The following MYT1L variants were observed in gnomAD, a reference collection of about 807,000 sequenced individuals.
The protein encoded by MYT1L is myelin transcription factor 1 like, also known as myelin transcription factor 1-like protein.
In MYT1L, 12 loss-of-function variants were observed where a neutral mutation model predicts 126.7. The observed-to-expected ratio is 0.09, with a 90% confidence interval of 0.06 to 0.15. The LOEUF (loss-of-function observed/expected upper bound fraction) is 0.15. Ranked by LOEUF, MYT1L falls within the 10% of genes least tolerant of loss-of-function variation. MYT1L has a pLI of 1.00. For missense variants in MYT1L, 979 were observed against 1,585.2 expected (o/e 0.62, Z 6.49); for synonymous variants, 541 against 604.2 (o/e 0.90, Z 1.53).
chr2:2,232,504 T>C (rs985427319), intron 2 of MYT1L, among the ~76,000 whole-genome samples: 3 of 152,254 alleles, frequency 2.0e-5, no homozygotes, highest in African/African-American at 7.2e-5. Context: ...GGTGCCTCTG[T>C]AGCATGGGTA....
intron 2 of MYT1L, among the ~76,000 whole-genome samples, chr2:2,264,410 A>C (rs2095067731): frequency 6.6e-6 from 1 of 152,164 alleles, no homozygotes; most frequent in African/African-American, 2.4e-5. Context: ...CCCCAAAAAA[A>C]ATCCCAGAAT....
At chr2:2,215,783 T>A (rs759924875) in intron 2 of MYT1L, among the ~76,000 whole-genome samples, 2 of 152,198 alleles carry the variant, frequency 1.3e-5, no homozygotes, top group Non-Finnish European at 2.9e-5. Context: ...TGGATATTTG[T>A]CCCTGCCCAA....
At chr2:2,117,078 C>T (rs1048587183) in intron 3 of MYT1L, among the ~76,000 whole-genome samples, 4 of 152,198 alleles carry the variant, frequency 2.6e-5, no homozygotes, top group Non-Finnish European at 5.9e-5. Flanking sequence ...ACCTCTCCCC[C>T]TGCAGAGCAC....
chr2:2,200,456 G>A (rs2093014862), intron 2 of MYT1L, among the ~76,000 whole-genome samples: 1 of 152,120 alleles, frequency 6.6e-6, no homozygotes, highest in African/African-American at 2.4e-5. Flanking sequence ...CACATCACCT[G>A]AACATCTGTC....
intron 18 of MYT1L, among the ~76,000 whole-genome samples, chr2:1,862,890 G>A (rs1282036526): frequency 2.0e-5 from 3 of 152,140 alleles, no homozygotes. Context: ...AGGGAAGATG[G>A]GAGAAGAAGG....
intron 18 of MYT1L, among the ~76,000 whole-genome samples, chr2:1,870,769 A>G (rs2046181208): frequency 6.6e-6 from 1 of 152,252 alleles, no homozygotes; most frequent in African/African-American, 2.4e-5. Flanking sequence ...CAGTTACGGA[A>G]GATTGGGTTG....
intron 8 of MYT1L, among the ~76,000 whole-genome samples, chr2:1,968,975 C>G (rs1387601404): frequency 6.6e-6 from 1 of 152,186 alleles, no homozygotes; most frequent in Non-Finnish European, 1.5e-5. Flanking sequence ...CAGGCTGAGT[C>G]CAGAGAAGCT....
intron 8 of MYT1L, among the ~76,000 whole-genome samples, chr2:1,952,422 A>G (rs547899724): frequency 3.9e-5 from 6 of 152,270 alleles, no homozygotes; most frequent in African/African-American, 1.2e-4. Flanking sequence ...CCATTTGTCA[A>G]TGCATGTGGA....
intron 2 of MYT1L, among the ~76,000 whole-genome samples, chr2:2,197,490 CA>C (rs1327257532): frequency 6.6e-6 from 1 of 152,040 alleles, no homozygotes; most frequent in Admixed American, 6.6e-5. Flanking sequence ...TACACACATG[CA>C]CACACACATG....
chr2:2,299,106 C>A (rs963974204), intron 1 of MYT1L, among the ~76,000 whole-genome samples: 21 of 152,226 alleles, frequency 1.4e-4, no homozygotes, highest in Admixed American at 1.2e-3. Context: ...TCCGCCTTGG[C>A]CTCCCAAAGT....
At position 2,013,917 on chromosome 2, in the gene MYT1L, CTT is replaced by C. The variant is rs1445024444; in HGVS notation, c.-157-16572_-157-16571del. ...ATAGGTGGAGTCCTTCCCACATAAA[CTT>C]TTTAAGGCACAGGGATGGTGAAGAA... On this transcript the variant is annotated intron_variant, in intron 4 of 24. Transcript: ENST00000647738. 2.6e-5 allele frequency among the ~76,000 whole-genome samples: 4 copies of C among 152,260 alleles called. No individual in the cohort carries two copies. The East Asian group carries it at 7.7e-4, about 29-fold the overall frequency.
At chr2:2,022,367 C>A (rs943520291) in intron 4 of MYT1L, among the ~76,000 whole-genome samples, 2 of 152,164 alleles carry the variant, frequency 1.3e-5, no homozygotes, top group Admixed American at 6.5e-5. Context: ...TCTTCTCATG[C>A]AAATTTAAAT....
chr2:2,040,078 C>T (rs2067352417), intron 4 of MYT1L, among the ~76,000 whole-genome samples: 1 of 152,264 alleles, frequency 6.6e-6, no homozygotes, highest in East Asian at 1.9e-4. Context: ...TTTAGGAATC[C>T]ATCTTAATAT....
At chr2:2,187,452 T>C (rs2092293767) in intron 2 of MYT1L, among the ~76,000 whole-genome samples, 1 of 151,964 alleles carries the variant, frequency 6.6e-6, no homozygotes, top group Non-Finnish European at 1.5e-5. Flanking sequence ...CGTGCGGGGC[T>C]GGCTGCTGAA....
At chr2:2,008,971 T>C (rs1319311881) in intron 4 of MYT1L, among the ~76,000 whole-genome samples, 1 of 152,208 alleles carries the variant, frequency 6.6e-6, no homozygotes, top group Non-Finnish European at 1.5e-5. Flanking sequence ...CTTGGTGACC[T>C]TGTCAAAAAT....
rs116718868 is a variant in MYT1L, at chr2:2,135,964, G to T, written c.-304+36908C>A. The stretch of plus-strand genomic sequence containing the variant: ...GCACTATTTACAATATCAAAGACTT[G>T]AAACCAACCCAAATGTTCATCAGTG... On this transcript the variant is annotated intron_variant, in intron 3 of 24. Transcript: ENST00000647738. Among the ~76,000 whole-genome samples, 1,097 of 152,236 alleles carry T rather than the reference G, an allele frequency of 7.2e-3. 15 individuals carry two copies. Among genetic ancestry groups the T allele is most frequent in the African/African-American group, 0.025 (1,036 of 41,544 alleles).
intron 10 of MYT1L, among the ~76,000 whole-genome samples, chr2:1,918,632 A>T (rs542011119): frequency 8.5e-5 from 13 of 152,344 alleles, no homozygotes; most frequent in African/African-American, 2.9e-4. Context: ...CATCATGTTC[A>T]TATAAAAACA....
chr2:2,098,375 G>A (rs2077683805), intron 3 of MYT1L, among the ~76,000 whole-genome samples: 1 of 152,188 alleles, frequency 6.6e-6, no homozygotes, highest in Non-Finnish European at 1.5e-5. Flanking sequence ...AGTACCACCT[G>A]TCTTAAGTCA....
At chr2:2,325,471 A>G (rs1382199674) in intron 1 of MYT1L, 1 of 152,228 alleles carries the variant, frequency 6.6e-6, no homozygotes, top group Non-Finnish European at 1.5e-5. Flanking sequence ...CTTTGAAAAG[A>G]CAAGTCCTAA....
Sources: gnomAD v4.1 joint callset for allele counts (sites outside exome capture counted in the v4.1 genomes callset) on GRCh38, gnomAD v4.1.1 for gene constraint, MANE v1.5 for transcripts, NCBI Gene and HGNC (gene_info 2026-07-23, HGNC 2026-07-21) for gene names.